Variants in SLC8A3 observed in about 807,000 individuals in gnomAD.
SLC8A3 encodes the protein sodium/calcium exchanger 3.
In SLC8A3, 37 loss-of-function variants were observed where a neutral mutation model predicts 65.4. That is an observed-to-expected ratio of 0.57 (90% confidence interval 0.44 to 0.74). SLC8A3 has a LOEUF of 0.74. Ranked by LOEUF, SLC8A3 falls within the 30% of genes least tolerant of loss-of-function variation. The pLI, the probability that SLC8A3 is intolerant of heterozygous loss-of-function variation, is 0.00. For synonymous variants in SLC8A3, 461 were observed against 444.5 expected, an observed-to-expected ratio of 1.04 and a Z score of -0.47; for missense variants, 1,112 against 1,172.1, an observed-to-expected ratio of 0.95 and a Z score of 0.75.
intron 1 of SLC8A3, among the ~76,000 whole-genome samples, chr14:70,187,406 C>G (rs868708654): frequency 3.3e-5 from 5 of 151,882 alleles, no homozygotes; most frequent in African/African-American, 1.2e-4. Context: ...GGCATTTCTT[C>G]TATTTAACCC....
chr14:70,089,564 A>G (rs1453261407), intron 2 of SLC8A3, among the ~76,000 whole-genome samples: 1 of 152,196 alleles, frequency 6.6e-6, no homozygotes, highest in African/African-American at 2.4e-5. Flanking sequence ...GGTTTTGAAA[A>G]TGACACTTTC....
At chr14:70,074,987 T>G (rs1386034702) in intron 2 of SLC8A3, among the ~76,000 whole-genome samples, 1 of 152,126 alleles carries the variant, frequency 6.6e-6, no homozygotes, top group Non-Finnish European at 1.5e-5. Flanking sequence ...TGCTGCTTAC[T>G]TACTACAGGT....
intron 2 of SLC8A3, among the ~76,000 whole-genome samples, chr14:70,067,589 C>T (rs562460017): frequency 2.2e-4 from 34 of 152,288 alleles, no homozygotes; most frequent in African/African-American, 7.5e-4. Flanking sequence ...ACACTTGAGA[C>T]TTCGTAAAAT....
At chr14:70,114,128 G>A (rs1169786881) in intron 2 of SLC8A3, among the ~76,000 whole-genome samples, 1 of 152,196 alleles carries the variant, frequency 6.6e-6, no homozygotes, top group African/African-American at 2.4e-5. Flanking sequence ...GCAAGGTTGT[G>A]TACAGAGGTA....
chr14:70,062,100 T>C (rs1404442358), intron 2 of SLC8A3, among the ~76,000 whole-genome samples: 1 of 82,402 alleles, frequency 1.2e-5, no homozygotes. Flanking sequence ...CTTTTTCTTT[T>C]TCTTTTTGGC....
intron 2 of SLC8A3, among the ~76,000 whole-genome samples, chr14:70,135,534 A>C (rs1895132551): frequency 6.6e-6 from 1 of 152,246 alleles, no homozygotes; most frequent in East Asian, 1.9e-4. Context: ...TATGATATAC[A>C]TACAAAATGG....
chr14:70,057,683 C>T (rs1433279545), intron 3 of SLC8A3, among the ~76,000 whole-genome samples: 1 of 152,188 alleles, frequency 6.6e-6, no homozygotes, highest in East Asian at 1.9e-4. Flanking sequence ...GTTTTTCCTG[C>T]TGCTGCTCAT....
intron 2 of SLC8A3, among the ~76,000 whole-genome samples, chr14:70,081,927 C>T (rs546071005): frequency 1.5e-3 from 227 of 152,264 alleles, no homozygotes; most frequent in Non-Finnish European, 2.5e-3. Flanking sequence ...CTCCTAAATT[C>T]GGAGGACCTT....
At chr14:70,172,079 T>A (rs1042833633) in intron 1 of SLC8A3, among the ~76,000 whole-genome samples, 6 of 152,156 alleles carry the variant, frequency 3.9e-5, no homozygotes, top group Admixed American at 1.3e-4. Context: ...GAGACCCAGA[T>A]AATCTTCTGT....
chr14:70,056,407 C>T (rs1388753371), intron 3 of SLC8A3, among the ~76,000 whole-genome samples: 2 of 152,178 alleles, frequency 1.3e-5, no homozygotes, highest in Non-Finnish European at 2.9e-5. Context: ...ACCACAAATG[C>T]CTTCCTAGCT....
intron 1 of SLC8A3, among the ~76,000 whole-genome samples, chr14:70,179,696 T>C (rs1300684649): frequency 6.6e-6 from 1 of 152,186 alleles, no homozygotes; most frequent in African/African-American, 2.4e-5. Flanking sequence ...CATTAGCACC[T>C]CACTTTTCCT....
At chr14:70,168,590 C>G (rs1387834071) in intron 1 of SLC8A3, 106 bp from the exon 2 acceptor site, 3 of 603,074 alleles carry the variant, frequency 5.0e-6, no homozygotes, top group Non-Finnish European at 8.8e-6. Flanking sequence ...ACATATTGCA[C>G]TAACATATGG....
At chr14:70,126,646 G>T (rs1270689683) in intron 2 of SLC8A3, among the ~76,000 whole-genome samples, 1 of 150,780 alleles carries the variant, frequency 6.6e-6, no homozygotes, top group African/African-American at 2.4e-5. Context: ...ACTGTTCAAG[G>T]GGTGCCCAGA....
chr14:70,168,401 G>A lies in SLC8A3; in HGVS notation c.22C>T (p.Pro8Ser), dbSNP rs781381598. MAWLRLQ[P>S]LTSAFLHFGL... ...AAATGGAGGAAGGCAGAGGTGAGAG[G>A]CTGCAACCTTAACCACGCCATACAC... The change falls in exon 2 of 7, where the codon CCT (proline) becomes TCT (serine). Residue 8 changes from proline to serine, a missense_variant. By Grantham distance (74) the Pro-to-Ser change is moderately conservative. Transcript: ENST00000356921. The A allele has an allele frequency of 6.2e-7, 1 of 1,613,904 alleles. No individual in the cohort carries two copies. The highest frequency in any genetic ancestry group is 8.5e-7 in the Non-Finnish European group (1 of 1,179,912).
At chr14:70,068,258 C>A (rs1317131819) in intron 2 of SLC8A3, among the ~76,000 whole-genome samples, 1 of 152,148 alleles carries the variant, frequency 6.6e-6, no homozygotes, top group Non-Finnish European at 1.5e-5. Flanking sequence ...ATTAGTTGAA[C>A]AGATGATTAA....
At chr14:70,057,262 A>C (rs1166674576) in intron 3 of SLC8A3, among the ~76,000 whole-genome samples, 1 of 151,864 alleles carries the variant, frequency 6.6e-6, no homozygotes, top group East Asian at 1.9e-4. Flanking sequence ...TCCTCACTAC[A>C]TTGAGATAGA....
chr14:70,099,141 C>T (rs1003253557), intron 2 of SLC8A3, among the ~76,000 whole-genome samples: 1 of 152,148 alleles, frequency 6.6e-6, no homozygotes, highest in African/African-American at 2.4e-5. Flanking sequence ...ATTGCAATTG[C>T]ACTAATTTTT....
intron 3 of SLC8A3, 61 bp from the exon 4 acceptor site, chr14:70,052,175 C>T: frequency 1.3e-6 from 2 of 1,533,164 alleles, no homozygotes; most frequent in South Asian, 1.3e-5. Flanking sequence ...AAGGATACAG[C>T]TCAGAGTATT....
intron 2 of SLC8A3, among the ~76,000 whole-genome samples, chr14:70,144,709 C>T (rs1895818469): frequency 6.6e-6 from 1 of 152,014 alleles, no homozygotes; most frequent in Non-Finnish European, 1.5e-5. Flanking sequence ...TCTTGGAGTG[C>T]CTCAGCTCAT....
Sources: gnomAD v4.1 joint callset for allele counts (sites outside exome capture counted in the v4.1 genomes callset) on GRCh38, gnomAD v4.1.1 for gene constraint, MANE v1.5 for transcripts, NCBI Gene and HGNC (gene_info 2026-07-23, HGNC 2026-07-21) for gene names.